The following PHLPP1 variants were observed in gnomAD, a reference collection of about 807,000 sequenced individuals.
PHLPP1 encodes the protein PH domain and leucine rich repeat protein phosphatase 1.
In PHLPP1, 42 loss-of-function variants were observed where a neutral mutation model predicts 117.2. The ratio of observed to expected loss-of-function variants is 0.36; its 90% CI spans 0.28 to 0.46. The LOEUF (loss-of-function observed/expected upper bound fraction) is 0.46, where lower values mean the gene tolerates loss of function less well. Among genes scored for constraint, PHLPP1 ranks in the 20% least tolerant of loss-of-function variants. The pLI, the probability that PHLPP1 is intolerant of heterozygous loss-of-function variation, is 1.00. For missense variants in PHLPP1, 2,084 were observed against 2,241.9 expected (o/e 0.93, Z 1.42); for synonymous variants, 1,042 against 970.7 (o/e 1.07, Z -1.37).
At position 62,895,761 on chromosome 18, in the gene PHLPP1, T is replaced by G. The variant is rs1372565292; in HGVS notation, c.2214-20T>G. ...AAAATTTATATGTTCTCTTTGTAATTCTTATGTTTTCTCTAATAGCTTACA... is the reference window on the plus strand; with the variant it reads ...AAAATTTATATGTTCTCTTTGTAATGCTTATGTTTTCTCTAATAGCTTACA... On this transcript the variant is annotated intron_variant, in intron 5 of 16. Transcript: ENST00000262719. The G allele has an allele frequency of 2.9e-6, 4 of 1,380,580 alleles. No homozygotes were observed. Among genetic ancestry groups the G allele is most frequent in the Non-Finnish European group, 4.1e-6 (4 of 969,344 alleles). The allele number at this position is 1,380,580 out of a possible 1,614,324, so 85.5% of individuals were successfully genotyped here. A position where few individuals can be genotyped will look rare whatever the true frequency, so the allele number is the denominator to read the frequency against.
intron 1 of PHLPP1, among the ~76,000 whole-genome samples, chr18:62,798,391 G>A (rs1009420138): frequency 6.6e-6 from 1 of 152,086 alleles, no homozygotes; most frequent in Non-Finnish European, 1.5e-5. Flanking sequence ...CTTTGAAAAT[G>A]ACCAAAATAC....
intron 4 of PHLPP1, among the ~76,000 whole-genome samples, chr18:62,874,915 C>T (rs1441320278): frequency 6.6e-6 from 1 of 152,098 alleles, no homozygotes; most frequent in South Asian, 2.1e-4. Context: ...TGACATTGTT[C>T]GAGGACCTGC....
At chr18:62,882,550 C>T (rs533111658) in intron 4 of PHLPP1, among the ~76,000 whole-genome samples, 28 of 152,282 alleles carry the variant, frequency 1.8e-4, no homozygotes, top group African/African-American at 5.8e-4. Flanking sequence ...TGAGCCACCG[C>T]GCCCGGCCAT....
chr18:62,823,361 C>T (rs1258369338), intron 1 of PHLPP1, among the ~76,000 whole-genome samples: 1 of 151,768 alleles, frequency 6.6e-6, no homozygotes, highest in Non-Finnish European at 1.5e-5. Context: ...TGCAGGAATT[C>T]GAGACCAGCT....
At chr18:62,825,450 A>G (rs1337083429) in intron 1 of PHLPP1, 2 of 146,500 alleles carry the variant, frequency 1.4e-5, no homozygotes, top group Non-Finnish European at 3.0e-5. Flanking sequence ...ATTATATATA[A>G]TATATTTATA....
intron 1 of PHLPP1, among the ~76,000 whole-genome samples, chr18:62,724,751 G>C (rs1911019560): frequency 6.6e-6 from 1 of 152,250 alleles, no homozygotes. Flanking sequence ...ATTCTAATCA[G>C]TGCTTTTGAG....
chr18:62,949,950 T>C (rs1324136842), intron 12 of PHLPP1, among the ~76,000 whole-genome samples: 1 of 152,236 alleles, frequency 6.6e-6, no homozygotes, highest in Non-Finnish European at 1.5e-5. Flanking sequence ...AGCTATTAGT[T>C]AATAGTGACC....
At position 62,903,055 on chromosome 18, in the gene PHLPP1, C is replaced by A. The variant is rs1002327033; in HGVS notation, c.2536C>A (p.Leu846Ile). 22 of 1,612,650 alleles carry A rather than the reference C, an allele frequency of 1.4e-5. No homozygotes were observed. In the East Asian group the frequency reaches 3.6e-4, roughly 26 times the overall value. ...CCTACGAGACAATAAGCTTGGTGAT[C>A]TAGATGCTATGATTTTCAACAACAT... is the stretch of plus-strand genomic sequence containing the variant. ...LDLRDNKLGD[L>I]DAMIFNNIEV... Residue 846 changes from leucine (L) to isoleucine (I), a missense_variant, in exon 7 of 17, where the codon CTA becomes ATA. Leu to Ile is a conservative substitution (Grantham distance 5). Coordinates refer to ENST00000262719, the MANE Select transcript of PHLPP1 (RefSeq NM_194449.4).
chr18:62,828,199 A>G (rs1914663057), intron 1 of PHLPP1, among the ~76,000 whole-genome samples: 1 of 152,122 alleles, frequency 6.6e-6, no homozygotes, highest in Non-Finnish European at 1.5e-5. Context: ...CCCCACAGGA[A>G]GAGAGTCTGT....
At position 62,905,230 on chromosome 18, in the gene PHLPP1, T is replaced by C. The variant is rs746370203; in HGVS notation, c.2654T>C (p.Val885Ala). ...KALYASSNEL[V>A]QLDVYPVPNY... Reference sequence around the variant, plus strand: ...TTTTTTTTTTTCTTCCTAGAACTTGTTCAACTTGATGTTTACCCAGTTCCA... The same window carrying C: ...TTTTTTTTTTTCTTCCTAGAACTTGCTCAACTTGATGTTTACCCAGTTCCA... The change falls in exon 8 of 17, where the codon GTT (valine) becomes GCT (alanine). Residue 885 changes from valine (V) to alanine (A), a missense_variant. Physicochemically the swap from Val to Ala is moderately conservative, Grantham distance 64. Transcript: ENST00000262719. The C allele has an allele frequency of 2.6e-6, 4 of 1,543,116 alleles. No homozygotes were observed. Among genetic ancestry groups the C allele is most frequent in the Non-Finnish European group, 3.5e-6 (4 of 1,147,876 alleles).
intron 1 of PHLPP1, among the ~76,000 whole-genome samples, chr18:62,815,404 C>T (rs925232717): frequency 6.6e-6 from 1 of 152,076 alleles, no homozygotes; most frequent in Non-Finnish European, 1.5e-5. Flanking sequence ...TGATCGCCTG[C>T]CTCAGCCTCC....
intron 13 of PHLPP1, among the ~76,000 whole-genome samples, chr18:62,961,826 G>A (rs1221189971): frequency 6.6e-6 from 1 of 152,092 alleles, no homozygotes; most frequent in Non-Finnish European, 1.5e-5. Flanking sequence ...AAGACAAGAT[G>A]GAAAGTAAAT....
chr18:62,846,407 G>T (rs1170936602), intron 3 of PHLPP1, among the ~76,000 whole-genome samples: 1 of 152,076 alleles, frequency 6.6e-6, no homozygotes, highest in Non-Finnish European at 1.5e-5. Flanking sequence ...TGGGCAAGCT[G>T]AGTCTTTTAA....
At chr18:62,935,256 T>C (rs554766135) in intron 10 of PHLPP1, among the ~76,000 whole-genome samples, 1 of 152,300 alleles carries the variant, frequency 6.6e-6, no homozygotes, top group East Asian at 1.9e-4. Flanking sequence ...GAAGACATAT[T>C]ATATTGGTAG....
intron 1 of PHLPP1, among the ~76,000 whole-genome samples, chr18:62,745,176 G>T (rs944693464): frequency 5.3e-5 from 8 of 152,084 alleles, no homozygotes; most frequent in African/African-American, 1.9e-4. Context: ...AATTTTTTTG[G>T]TAGATGTTAA....
intron 3 of PHLPP1, among the ~76,000 whole-genome samples, chr18:62,853,071 A>G (rs569643055): frequency 2.0e-5 from 3 of 152,326 alleles, no homozygotes; most frequent in African/African-American, 7.2e-5. Context: ...GCTGAGTTAT[A>G]TGTTAGAAAT....
chr18:62,895,694 C>T (rs750189622), intron 5 of PHLPP1, 87 bp from the exon 6 acceptor site: 13 of 842,858 alleles, frequency 1.5e-5, no homozygotes, highest in African/African-American at 3.4e-5. Context: ...TCTGGTAATA[C>T]GGTCTACACT....
chr18:62,721,343 A>C (rs1181060325), intron 1 of PHLPP1, among the ~76,000 whole-genome samples: 1 of 152,188 alleles, frequency 6.6e-6, no homozygotes, highest in East Asian at 1.9e-4. Context: ...TTATTCAAGC[A>C]TACCTATTTG....
At chr18:62,766,104 A>ATTATATATATATATAT (rs1289379653) in intron 1 of PHLPP1, among the ~76,000 whole-genome samples, 20 of 40,976 alleles carry the variant, frequency 4.9e-4, no homozygotes, top group Non-Finnish European at 8.8e-4. Context: ...TATATATATA[A>ATTATATATATATATAT]AATATATATA....
Sources: allele counts gnomAD v4.1 joint callset (sites outside exome capture counted in the v4.1 genomes callset), GRCh38; gene constraint gnomAD v4.1.1; transcripts MANE v1.5; gene names NCBI Gene and HGNC (gene_info 2026-07-23, HGNC 2026-07-21).